The following PDE4D variants were observed in gnomAD, a reference collection of about 807,000 sequenced individuals.
PDE4D encodes the protein 3',5'-cyclic-AMP phosphodiesterase 4D.
PDE4D carries 24 observed loss-of-function variants against 87.4 expected under a neutral mutation model. The ratio of observed to expected loss-of-function variants is 0.27; its 90% CI spans 0.20 to 0.39. The LOEUF is 0.39. Among genes scored for constraint, PDE4D ranks in the 10% least tolerant of loss-of-function variants. The probability of loss-of-function intolerance (pLI) is 1.00; values close to 1 mark genes in which losing one functional copy is unlikely to be tolerated. For missense variants in PDE4D, 714 were observed against 1,041.0 expected (o/e 0.69, Z 4.32); for synonymous variants, 384 against 383.2 (o/e 1.00, Z -0.02).
chr5:59,592,361 A>T (rs1354362604), intron 1 of PDE4D, among the ~76,000 whole-genome samples: 3 of 152,228 alleles, frequency 2.0e-5, no homozygotes, highest in Non-Finnish European at 1.5e-5. Context: ...GCTGAGAGTC[A>T]GGGAAATGCA....
intron 3 of PDE4D, among the ~76,000 whole-genome samples, chr5:59,973,326 A>G (rs1268158861): frequency 6.6e-6 from 1 of 152,228 alleles, no homozygotes; most frequent in African/African-American, 2.4e-5. Flanking sequence ...ATTGTTTTCC[A>G]GTTCTCAGCC....
chr5:60,052,902 A>G (rs1315770922), intron 2 of PDE4D, among the ~76,000 whole-genome samples: 1 of 152,204 alleles, frequency 6.6e-6, no homozygotes, highest in Non-Finnish European at 1.5e-5. Context: ...GTAATAGACA[A>G]ACAGAGAGCC....
At chr5:60,453,729 A>C (rs1311712758) in intron 1 of PDE4D, among the ~76,000 whole-genome samples, 1 of 151,910 alleles carries the variant, frequency 6.6e-6, no homozygotes, top group Non-Finnish European at 1.5e-5. Context: ...TGACAAGTGT[A>C]CTTCTCCCGC....
At chr5:60,022,701 G>A (rs1218645307) in intron 2 of PDE4D, 1 of 152,198 alleles carries the variant, frequency 6.6e-6, no homozygotes, top group Non-Finnish European at 1.5e-5. Flanking sequence ...TGCCGATGCT[G>A]ACCCCTCATT....
At chr5:59,321,169 T>C (rs1019562763) in intron 1 of PDE4D, among the ~76,000 whole-genome samples, 1 of 152,070 alleles carries the variant, frequency 6.6e-6, no homozygotes, top group African/African-American at 2.4e-5. Context: ...TCTGATTTCC[T>C]TTCTGCTCCT....
chr5:59,190,627 C>T (rs896848236), intron 3 of PDE4D, among the ~76,000 whole-genome samples: 1 of 151,970 alleles, frequency 6.6e-6, no homozygotes, highest in African/African-American at 2.4e-5. Flanking sequence ...ATAGTTAATG[C>T]TAAAATAGCA....
chr5:60,068,557 T>G (rs575522866), intron 2 of PDE4D, among the ~76,000 whole-genome samples: 5 of 152,114 alleles, frequency 3.3e-5, no homozygotes, highest in African/African-American at 1.2e-4. Context: ...AAGTGTCCTT[T>G]TCACTCTGTT....
intron 2 of PDE4D, among the ~76,000 whole-genome samples, chr5:60,000,451 G>C (rs1561964206): frequency 6.6e-6 from 1 of 152,120 alleles, no homozygotes; most frequent in Non-Finnish European, 1.5e-5. Context: ...GAAAGAAAAA[G>C]TCTGTCAACC....
At chr5:60,220,800 C>G (rs1219746484) in intron 1 of PDE4D, among the ~76,000 whole-genome samples, 3 of 152,098 alleles carry the variant, frequency 2.0e-5, no homozygotes, top group South Asian at 2.1e-4. Context: ...CTATGCTTAT[C>G]AAAGCATAGT....
intron 6 of PDE4D, among the ~76,000 whole-genome samples, chr5:59,000,618 G>C (rs537493636): frequency 6.6e-6 from 1 of 152,270 alleles, no homozygotes; most frequent in African/African-American, 2.4e-5. Flanking sequence ...GAAAGCTAGG[G>C]CACTGTGTAT....
chr5:59,120,251 T>TATAAAAAGTG (rs1408772567), intron 5 of PDE4D, among the ~76,000 whole-genome samples: 2 of 152,176 alleles, frequency 1.3e-5, no homozygotes, highest in Non-Finnish European at 2.9e-5. Flanking sequence ...CCAGAACACT[T>TATAAAAAGTG]TTTATAAACA....
rs146688072 is a variant in PDE4D, at chr5:59,465,030, CT to C, written c.456-249063del. Among the ~76,000 whole-genome samples the C allele has an allele frequency of 7.9e-5, 12 of 152,288 alleles. No individual in the cohort carries two copies. In the East Asian group the frequency reaches 2.1e-3, roughly 27 times the overall value. ...CACTGAATCACACACATCCATTAAGCTTTCTCTTAAAATTAGGTGGCTTCCC... is the reference window on the plus strand; with the variant it reads ...CACTGAATCACACACATCCATTAAGCTTCTCTTAAAATTAGGTGGCTTCCC... On this transcript the variant is annotated intron_variant, in intron 1 of 14. Transcript: ENST00000340635.
At chr5:59,906,303 C>T (rs771694086) in intron 3 of PDE4D, among the ~76,000 whole-genome samples, 1 of 152,080 alleles carries the variant, frequency 6.6e-6, no homozygotes, top group Admixed American at 6.6e-5. Flanking sequence ...AATCGAGAAC[C>T]TATTTCTCTA....
At chr5:59,626,600 G>T (rs988651166) in intron 1 of PDE4D, among the ~76,000 whole-genome samples, 1 of 152,040 alleles carries the variant, frequency 6.6e-6, no homozygotes, top group African/African-American at 2.4e-5. Flanking sequence ...CTACAAATTT[G>T]TTTTTTAAAT....
At chr5:58,986,943 ATGTT>A in intron 11 of PDE4D, among the ~76,000 whole-genome samples, 1 of 125,738 alleles carries the variant, frequency 8.0e-6, no homozygotes, top group South Asian at 2.9e-4. Context: ...ACCAGTTTGA[ATGTT>A]TGGTGTTTAA....
intron 1 of PDE4D, among the ~76,000 whole-genome samples, chr5:60,355,844 TGAG>T (rs139944318): frequency 0.033 from 5,034 of 152,210 alleles, 125 homozygotes; most frequent in Middle Eastern, 0.079. Flanking sequence ...ATCTTTGCAT[TGAG>T]TAGGCTCAGG....
chr5:59,275,653 C>T (rs553609024), intron 1 of PDE4D: 1 of 1,197,982 alleles, frequency 8.3e-7, no homozygotes, highest in South Asian at 3.2e-5. Context: ...ACAGTTTCTT[C>T]TGTGTCTTGC....
chr5:59,707,442 A>T (rs143347855), intron 1 of PDE4D, among the ~76,000 whole-genome samples: 22 of 152,318 alleles, frequency 1.4e-4, no homozygotes, highest in Non-Finnish European at 2.5e-4. Context: ...AGGCCTTAAC[A>T]AACTATGGCC....
At chr5:60,141,382 T>A (rs1014327106) in intron 2 of PDE4D, among the ~76,000 whole-genome samples, 1 of 151,986 alleles carries the variant, frequency 6.6e-6, no homozygotes, top group African/African-American at 2.4e-5. Context: ...AAACTGAGTA[T>A]CTCTTGGAAA....
Sources: gnomAD v4.1 joint callset for allele counts (sites outside exome capture counted in the v4.1 genomes callset) on GRCh38, gnomAD v4.1.1 for gene constraint, MANE v1.5 for transcripts, NCBI Gene and HGNC (gene_info 2026-07-23, HGNC 2026-07-21) for gene names.